PCBP3: variants seen among roughly 807,000 people sequenced by gnomAD.
The protein encoded by PCBP3 is poly(rC) binding protein 3.
A neutral mutation model predicts 52.7 loss-of-function variants in PCBP3; 25 were observed. The observed-to-expected ratio is 0.47, with a 90% CI of 0.35 to 0.66. The LOEUF (loss-of-function observed/expected upper bound fraction) is 0.66. Among genes scored for constraint, PCBP3 ranks in the 30% least tolerant of loss-of-function variants. PCBP3 has a pLI of 0.01. For synonymous variants in PCBP3, 162 were observed against 183.0 expected (o/e 0.89, Z 0.93); for missense variants, 391 against 490.3 (o/e 0.80, Z 1.91).
intron 11 of PCBP3, 74 bp from the exon 12 acceptor site, chr21:45,913,877 G>C: frequency 7.2e-7 from 1 of 1,391,786 alleles, no homozygotes; most frequent in Non-Finnish European, 9.9e-7. Flanking sequence ...GGGGTGGGCC[G>C]GGGCACGCCT....
chr21:45,644,201 C>T (rs892200949), intron 1 of PCBP3, among the ~76,000 whole-genome samples: 2 of 151,612 alleles, frequency 1.3e-5, no homozygotes, highest in African/African-American at 4.8e-5. Context: ...CTACTTGAGG[C>T]TTCAGTTTCA....
intron 3 of PCBP3, among the ~76,000 whole-genome samples, chr21:45,748,489 T>G (rs2146257833): frequency 6.6e-6 from 1 of 152,336 alleles, no homozygotes; most frequent in South Asian, 2.1e-4. Flanking sequence ...GCTCTGGCCA[T>G]TTTGCTCTTC....
At chr21:45,764,909 G>A (rs543397358) in intron 4 of PCBP3, among the ~76,000 whole-genome samples, 3 of 152,342 alleles carry the variant, frequency 2.0e-5, no homozygotes, top group East Asian at 3.9e-4. Context: ...CTTGGAAGGG[G>A]GGAGGTCTGG....
At chr21:45,864,686 C>T (rs1211133429) in intron 5 of PCBP3, among the ~76,000 whole-genome samples, 1 of 152,100 alleles carries the variant, frequency 6.6e-6, no homozygotes, top group African/African-American at 2.4e-5. Flanking sequence ...AAAATGTTCC[C>T]AGAAATAGCT....
At chr21:45,849,267 G>A (rs1393772098) in intron 4 of PCBP3, among the ~76,000 whole-genome samples, 3 of 149,498 alleles carry the variant, frequency 2.0e-5, no homozygotes, top group Non-Finnish European at 3.0e-5. Context: ...GTGCAGTGGC[G>A]CAATCTCAGC....
intron 11 of PCBP3, among the ~76,000 whole-genome samples, chr21:45,912,447 G>A (rs770906828): frequency 1.3e-5 from 2 of 152,228 alleles, no homozygotes; most frequent in Non-Finnish European, 2.9e-5. Flanking sequence ...TGGTTGATTG[G>A]AGGACTTCTG....
At chr21:45,720,491 A>C (rs914611711) in intron 2 of PCBP3, among the ~76,000 whole-genome samples, 1 of 152,256 alleles carries the variant, frequency 6.6e-6, no homozygotes, top group African/African-American at 2.4e-5. Flanking sequence ...CTGCACATAT[A>C]TCTCAGAACT....
intron 2 of PCBP3, among the ~76,000 whole-genome samples, chr21:45,721,862 G>A (rs138312183): frequency 6.6e-6 from 1 of 152,008 alleles, no homozygotes; most frequent in African/African-American, 2.4e-5. Flanking sequence ...ATAGAATTTT[G>A]GCAAGAAATC....
At chr21:45,746,986 G>A (rs938067236) in intron 3 of PCBP3, among the ~76,000 whole-genome samples, 3 of 141,870 alleles carry the variant, frequency 2.1e-5, no homozygotes, top group Admixed American at 7.0e-5. Flanking sequence ...GTCCATTGAC[G>A]TAGCGCACAC....
intron 11 of PCBP3, chr21:45,911,262 C>T (rs1364597975): frequency 1.6e-6 from 1 of 607,970 alleles, no homozygotes; most frequent in African/African-American, 1.8e-5. Flanking sequence ...TAGGGGAGAG[C>T]ATGTGGAGAG....
rs888193913 is a variant in PCBP3 at position 45,735,359 on chromosome 21, A to G, written c.-199-33A>G. 2.0e-5 allele frequency: 3 copies of G among 152,132 alleles called. No individual in the cohort carries two copies. Among genetic ancestry groups the G allele is most frequent in the South Asian group, 2.1e-4 (1 of 4,828 alleles). The allele number at this position is 152,132 out of a possible 1,614,324, so 9.4% of individuals were successfully genotyped here. Reference sequence around the variant, plus strand: ...CTCTTTGGAAAGCCTATGATTTCCAATTTTAATTGTTTTTTCCTTCAACTG... The same window carrying G: ...CTCTTTGGAAAGCCTATGATTTCCAGTTTTAATTGTTTTTTCCTTCAACTG... On this transcript the variant is annotated intron_variant, in intron 2 of 17. Coordinates refer to ENST00000681687, the MANE Select transcript of PCBP3 (RefSeq NM_001384156.1). This position sits in a 1 kb window ranked among gnomAD's most constrained non-coding sequence, Gnocchi z 4.0.
intron 4 of PCBP3, among the ~76,000 whole-genome samples, chr21:45,792,447 AAACTT>A: frequency 6.6e-6 from 1 of 152,330 alleles, no homozygotes; most frequent in East Asian, 1.9e-4. Context: ...TGTGGAAAGA[AAACTT>A]AAATAGAGTT....
chr21:45,663,851 CTTTT>C (rs1190794777), intron 1 of PCBP3, among the ~76,000 whole-genome samples: 1 of 151,798 alleles, frequency 6.6e-6, no homozygotes, highest in Non-Finnish European at 1.5e-5. Context: ...TATTTGGGCT[CTTTT>C]TGGTTCCATA....
intron 2 of PCBP3, among the ~76,000 whole-genome samples, chr21:45,671,071 A>T (rs2081140848): frequency 6.6e-6 from 1 of 152,132 alleles, no homozygotes; most frequent in Non-Finnish European, 1.5e-5. Flanking sequence ...CATACTTTCC[A>T]CTGGCAAGAT....
chr21:45,803,611 T>A (rs1603434678), intron 4 of PCBP3, among the ~76,000 whole-genome samples: 1 of 152,198 alleles, frequency 6.6e-6, no homozygotes, highest in East Asian at 1.9e-4. Context: ...AACAGGACAC[T>A]GAGGGCAGGA....
At chr21:45,729,575 T>G (rs1208266861) in intron 2 of PCBP3, among the ~76,000 whole-genome samples, 1 of 152,198 alleles carries the variant, frequency 6.6e-6, no homozygotes, top group Non-Finnish European at 1.5e-5. Flanking sequence ...ACTTTTTTGA[T>G]TATAGCCATT....
chr21:45,646,053 T>TTTTCTCTCTCTCTCTCTCTC (rs1487044677), intron 1 of PCBP3, among the ~76,000 whole-genome samples: 3 of 71,452 alleles, frequency 4.2e-5, no homozygotes, highest in African/African-American at 9.4e-5. Context: ...TGTCACCTGT[T>TTTTCTCTCTCTCTCTCTCTC]TCTCTCTCTC....
chr21:45,698,351 C>T (rs979962790), intron 2 of PCBP3, among the ~76,000 whole-genome samples: 2 of 152,234 alleles, frequency 1.3e-5, no homozygotes, highest in Admixed American at 6.5e-5. Flanking sequence ...CATTAGCCTC[C>T]CATTATGGGG....
chr21:45,759,999 C>A (rs9974491), intron 4 of PCBP3: 1 of 152,036 alleles, frequency 6.6e-6, no homozygotes, highest in South Asian at 2.1e-4. Flanking sequence ...AAAGAACTGA[C>A]ATTCTATTAG....
Sources: gnomAD v4.1 joint callset for allele counts (sites outside exome capture counted in the v4.1 genomes callset) on GRCh38, gnomAD v4.1.1 for gene constraint, Gnocchi (gnomAD v3.1) non-coding constraint, MANE v1.5 for transcripts, NCBI Gene and HGNC (gene_info 2026-07-23, HGNC 2026-07-21) for gene names.